Variants in FNDC7 observed in about 807,000 individuals in gnomAD.
The protein encoded by FNDC7 is fibronectin type III domain containing 7.
A neutral mutation model predicts 74.2 loss-of-function variants in FNDC7; 66 were observed. That is an observed-to-expected ratio of 0.89 (90% CI 0.73 to 1.09). The LOEUF (loss-of-function observed/expected upper bound fraction) is 1.09, where lower values mean the gene tolerates loss of function less well. FNDC7 is among the 50% of genes least tolerant of loss of function. The probability of loss-of-function intolerance (pLI) is 0.00; values close to 1 mark genes in which losing one functional copy is unlikely to be tolerated. For missense variants in FNDC7, 829 were observed against 893.4 expected (o/e 0.93, Z 0.92); for synonymous variants, 307 against 330.2 (o/e 0.93, Z 0.76).
rs537974686 is a variant in FNDC7, at chr1:108,728,934, T to C, written c.1624+48T>C. ...AATGTTGACTTCAGTGGGGTCCTTATGGAGTGTTTCAAGACATGAACTTCC... is the reference window on the plus strand; with the variant it reads ...AATGTTGACTTCAGTGGGGTCCTTACGGAGTGTTTCAAGACATGAACTTCC... On this transcript the variant is annotated intron_variant, in intron 8 of 12. Transcript: ENST00000370017. 3.1e-6 allele frequency: 5 copies of C among 1,595,576 alleles called. No individual in the cohort carries two copies. In the Admixed American group the frequency reaches 8.4e-5, roughly 27 times the overall value.
chr1:108,729,584 C>T lies in FNDC7; in HGVS notation c.1624+698C>T, dbSNP rs932442555. Among the ~76,000 whole-genome samples the T allele has an allele frequency of 2.0e-5, 3 of 152,042 alleles. No homozygotes were observed. The East Asian group carries it at 5.8e-4, about 29-fold the overall frequency. ...AAAAATGCTTTCTGACTTTCAATTTCCTGATAGGTAAAAGGGAGATAATGG... is the reference window on the plus strand; with the variant it reads ...AAAAATGCTTTCTGACTTTCAATTTTCTGATAGGTAAAAGGGAGATAATGG... On this transcript the variant is annotated intron_variant, in intron 8 of 12. Coordinates refer to ENST00000370017, the MANE Select transcript of FNDC7 (RefSeq NM_001144937.3).
At chr1:108,734,188 T>A (rs1405876906) in intron 10 of FNDC7, 1 of 152,236 alleles carries the variant, frequency 6.6e-6, no homozygotes, top group African/African-American at 2.4e-5. Context: ...ATAGACATCC[T>A]GGGATGTTGG....
chr1:108,728,567 G>A, intron 7 of FNDC7, 65 bp from the exon 8 acceptor site: 1 of 1,593,892 alleles, frequency 6.3e-7, no homozygotes, highest in Non-Finnish European at 8.6e-7. Context: ...ATCAGTTTTA[G>A]ACCAAATGGC....
In FNDC7 at chr1:108,719,227, C is replaced by T. The variant is rs911649309; in HGVS notation, c.598+178C>T. Among the ~76,000 whole-genome samples the T allele has an allele frequency of 3.9e-5, 6 of 152,182 alleles. No individual in the cohort carries two copies. The East Asian group carries it at 1.2e-3, about 29-fold the overall frequency. On this transcript the variant is annotated intron_variant, in intron 4 of 12. Coordinates refer to ENST00000370017, the MANE Select transcript of FNDC7 (RefSeq NM_001144937.3). ...GTCTATTCCTCCTCGGTAGTTTAAA[C>T]GCTTCCTGCATGGATAAAGAAATGC... is the stretch of plus-strand genomic sequence containing the variant.
chr1:108,721,015 G>A (rs1401733170), intron 4 of FNDC7, among the ~76,000 whole-genome samples: 1 of 152,194 alleles, frequency 6.6e-6, no homozygotes, highest in Admixed American at 6.5e-5. Flanking sequence ...AAACACTGCA[G>A]GCTACCCCTA....
chr1:108,737,008 C>A (rs542823755), intron 10 of FNDC7, among the ~76,000 whole-genome samples: 15 of 132,028 alleles, frequency 1.1e-4, no homozygotes, highest in African/African-American at 4.0e-4. Flanking sequence ...TGCTCTGTCA[C>A]CCAGGCTGGA....
intron 2 of FNDC7, among the ~76,000 whole-genome samples, chr1:108,715,130 T>C (rs1289776722): frequency 6.6e-6 from 1 of 152,180 alleles, no homozygotes; most frequent in Non-Finnish European, 1.5e-5. Flanking sequence ...TTAGCTACAC[T>C]GTATAGAAGG....
intron 11 of FNDC7, 145 bp from the exon 12 acceptor site, chr1:108,741,628 A>AAACTATG: frequency 2.5e-6 from 2 of 806,442 alleles, no homozygotes; most frequent in Non-Finnish European, 4.1e-6. Context: ...CAGTTGTCAT[A>AAACTATG]GTTTCATGTT....
At chr1:108,713,978 C>G (rs1370950588) in intron 2 of FNDC7, among the ~76,000 whole-genome samples, 3 of 152,224 alleles carry the variant, frequency 2.0e-5, no homozygotes, top group African/African-American at 7.2e-5. Flanking sequence ...GAACTTTATA[C>G]TTCTAATATT....
Position 108,713,548 on chromosome 1 carries a change from C to A in FNDC7, c.82+19C>A, listed in dbSNP as rs1660915643. ...AAATCAGGTACAATTTTCTGACCTG[C>A]AAGTTTTTCCTTCTCGTATTTGATT... On this transcript the variant is annotated intron_variant, in intron 2 of 12. Transcript: ENST00000370017. 1 of 1,536,062 alleles carries A rather than the reference C, an allele frequency of 6.5e-7. No homozygotes were observed.
Position 108,742,050 on chromosome 1 carries a change from G to A in FNDC7, c.*163G>A. 1.8e-6 allele frequency: 1 copy of A among 548,158 alleles called. No homozygotes were observed. The highest frequency in any genetic ancestry group is 5.0e-4 in the Middle Eastern group (1 of 1,996). The allele number at this position is 548,158 out of a possible 1,614,324, so 34.0% of individuals were successfully genotyped here. A position where few individuals can be genotyped will look rare whatever the true frequency, so the allele number is the denominator to read the frequency against. ...ACAACTCTGACTCTGCTTCCTGAGG[G>A]CAAGGTCAGGTGTGTCCTCACCTGC... On this transcript the variant is annotated 3_prime_UTR_variant, in exon 13 of 13. Transcript: ENST00000370017.
In FNDC7 at chr1:108,733,283, C is replaced by T. The variant is rs370865272; in HGVS notation, c.1891C>T (p.Pro631Ser). The T allele has an allele frequency of 1.2e-6, 2 of 1,609,180 alleles. No individual in the cohort carries two copies. The highest frequency in any genetic ancestry group is 2.2e-5 in the East Asian group (1 of 44,718). The change falls in exon 10 of 13, where the codon CCT becomes TCT. Residue 631 changes from proline to serine, a missense_variant. Transcript: ENST00000370017. ...TTTTTATTGCCTAGGTGCCTGCTGC[C>T]CTTTGGGGGTGAAATTATATAGGCT... ...YQSYFSGACC[P>S]LGVKLYRLGP...
intron 8 of FNDC7, 152 bp downstream of exon 8, chr1:108,729,038 A>C: frequency 1.0e-6 from 1 of 976,088 alleles, no homozygotes; most frequent in Non-Finnish European, 1.5e-6. Flanking sequence ...TAGACAATAA[A>C]ATTTTCAATA....
intron 9 of FNDC7, among the ~76,000 whole-genome samples, chr1:108,732,604 T>C (rs1182757010): frequency 2.6e-5 from 4 of 152,212 alleles, no homozygotes; most frequent in Non-Finnish European, 4.4e-5. Flanking sequence ...ATGTACAATA[T>C]GTATCTGCCA....
At chr1:108,728,199 C>G in intron 7 of FNDC7, 134 bp downstream of exon 7, 1 of 1,149,480 alleles carries the variant, frequency 8.7e-7, no homozygotes, top group Non-Finnish European at 1.2e-6. Flanking sequence ...ACCAAGAGAG[C>G]CCCCGTTGTA....
intron 10 of FNDC7, among the ~76,000 whole-genome samples, chr1:108,736,963 CTT>C (rs1173562405): frequency 1.9e-4 from 19 of 99,418 alleles, no homozygotes; most frequent in African/African-American, 3.6e-4. Flanking sequence ...GCTTGGCATT[CTT>C]TTTTTTTTTT....
intron 4 of FNDC7, among the ~76,000 whole-genome samples, chr1:108,719,742 G>A (rs530483377): frequency 1.6e-5 from 1 of 61,310 alleles, no homozygotes; most frequent in Non-Finnish European, 4.2e-5. Flanking sequence ...TGAGCCAAGC[G>A]AATGAGAGAG....
chr1:108,720,203 C>T (rs1248471378), intron 4 of FNDC7, among the ~76,000 whole-genome samples: 1 of 152,164 alleles, frequency 6.6e-6, no homozygotes, highest in African/African-American at 2.4e-5. Context: ...CCCTTTCACA[C>T]TGCTTTTTTC....
At chr1:108,721,468 CA>C (rs1428079195) in intron 4 of FNDC7, among the ~76,000 whole-genome samples, 1 of 151,006 alleles carries the variant, frequency 6.6e-6, no homozygotes, top group East Asian at 1.9e-4. Flanking sequence ...GGCTCCGTCT[CA>C]AAAAAAAGAA....
Sources: gnomAD v4.1 joint callset for allele counts (sites outside exome capture counted in the v4.1 genomes callset) on GRCh38, gnomAD v4.1.1 for gene constraint, MANE v1.5 for transcripts, NCBI Gene and HGNC (gene_info 2026-07-23, HGNC 2026-07-21) for gene names.